GRM7: variants seen among roughly 807,000 people sequenced by gnomAD.
GRM7 encodes glutamate metabotropic receptor 7.
GRM7 carries 35 observed loss-of-function variants against 84.5 expected under a neutral mutation model. The ratio of observed to expected loss-of-function variants is 0.41; its 90% CI spans 0.32 to 0.55. GRM7 has a LOEUF of 0.55. Ranked by LOEUF, GRM7 falls within the 20% of genes least tolerant of loss-of-function variation. The pLI is 0.19. For missense variants in GRM7, 1,003 were observed against 1,194.6 expected (o/e 0.84, Z 2.36); for synonymous variants, 487 against 455.1 (o/e 1.07, Z -0.89).
At chr3:7,023,865 G>A (rs1695872775) in intron 1 of GRM7, among the ~76,000 whole-genome samples, 1 of 152,206 alleles carries the variant, frequency 6.6e-6, no homozygotes, top group Non-Finnish European at 1.5e-5. Flanking sequence ...GTTTACATAA[G>A]TTCATCAGGA....
chr3:7,487,898 C>G (rs1336384301), intron 7 of GRM7, among the ~76,000 whole-genome samples: 18 of 152,254 alleles, frequency 1.2e-4, no homozygotes, highest in Admixed American at 1.2e-3. Context: ...ACCACAGGCT[C>G]TAGTGTACAA....
rs555324540 is a variant in GRM7 at position 7,163,690 on chromosome 3, A to T, written c.736+17022A>T. ...GAGGAGGGGATATTTAAATAAAGAG[A>T]TGAATTAAATGAGGAACTGAACTAT... On this transcript the variant is annotated intron_variant, in intron 2 of 9. Coordinates refer to ENST00000357716, the MANE Select transcript of GRM7 (RefSeq NM_000844.4). Among the ~76,000 whole-genome samples the T allele has an allele frequency of 7.2e-5, 11 of 152,322 alleles. No homozygotes were observed. In the South Asian group the frequency reaches 2.1e-3, roughly 29 times the overall value.
At chr3:7,171,885 T>C (rs1005827024) in intron 2 of GRM7, among the ~76,000 whole-genome samples, 2 of 152,166 alleles carry the variant, frequency 1.3e-5, no homozygotes, top group Non-Finnish European at 2.9e-5. Context: ...TTTAAAGCAT[T>C]CTCTCTACAG....
chr3:7,641,070 A>G (rs1698346408), intron 8 of GRM7, among the ~76,000 whole-genome samples: 1 of 152,218 alleles, frequency 6.6e-6, no homozygotes. Context: ...ATCTAAACTG[A>G]ATAAATTAAT....
intron 1 of GRM7, among the ~76,000 whole-genome samples, chr3:6,890,686 T>G (rs1033455962): frequency 6.6e-6 from 1 of 152,126 alleles, no homozygotes; most frequent in African/African-American, 2.4e-5. Context: ...TGTGGTGTGG[T>G]GCTGAAAAAA....
chr3:7,300,408 T>C (rs1699957400), intron 3 of GRM7, among the ~76,000 whole-genome samples: 1 of 152,190 alleles, frequency 6.6e-6, no homozygotes, highest in Non-Finnish European at 1.5e-5. Flanking sequence ...TTTGAATTTT[T>C]AAATGAGGAT....
chr3:7,302,887 A>G (rs1347568093), intron 3 of GRM7, among the ~76,000 whole-genome samples: 1 of 151,334 alleles, frequency 6.6e-6, no homozygotes, highest in Admixed American at 6.6e-5. Flanking sequence ...ATACATTATC[A>G]AAGTGGTATC....
chr3:7,653,784 T>C lies in GRM7; in HGVS notation c.2452-26265T>C, dbSNP rs79778086. The stretch of plus-strand genomic sequence containing the variant: ...ATAAAACCTGCCTGAGAGCAGGGCT[T>C]TCACAAATACTGACTCCTTTGAGCG... On this transcript the variant is annotated intron_variant, in intron 8 of 9. Transcript: ENST00000357716. 5.2e-3 allele frequency among the ~76,000 whole-genome samples: 797 copies of C among 152,328 alleles called. 7 individuals are homozygous for C. The highest frequency in any genetic ancestry group is 0.018 in the African/African-American group (767 of 41,564).
intron 1 of GRM7, among the ~76,000 whole-genome samples, chr3:6,899,095 C>T (rs565052278): frequency 2.6e-4 from 39 of 152,094 alleles, no homozygotes; most frequent in Admixed American, 9.8e-4. Flanking sequence ...GAGTTGAGTC[C>T]AGTAATGAAG....
At chr3:7,358,634 A>G (rs1693515685) in intron 4 of GRM7, among the ~76,000 whole-genome samples, 1 of 148,496 alleles carries the variant, frequency 6.7e-6, no homozygotes, top group Non-Finnish European at 1.5e-5. Context: ...TCCAAACTTT[A>G]TGTTACTGGG....
At chr3:7,291,718 G>A (rs1699634978) in intron 2 of GRM7, among the ~76,000 whole-genome samples, 1 of 152,152 alleles carries the variant, frequency 6.6e-6, no homozygotes, top group Non-Finnish European at 1.5e-5. Context: ...TCAGTGGTGA[G>A]TGGTTGTATG....
At chr3:7,253,548 C>G (rs543694647) in intron 2 of GRM7, among the ~76,000 whole-genome samples, 1 of 147,052 alleles carries the variant, frequency 6.8e-6, no homozygotes, top group East Asian at 2.0e-4. Flanking sequence ...ACCCAGGAGG[C>G]AGAGGTTGTA....
At chr3:7,136,279 G>A (rs1693768409) in intron 1 of GRM7, among the ~76,000 whole-genome samples, 1 of 151,734 alleles carries the variant, frequency 6.6e-6, no homozygotes, top group Non-Finnish European at 1.5e-5. Flanking sequence ...ATGTGGGCCT[G>A]GCAGCCTGGT....
intron 7 of GRM7, among the ~76,000 whole-genome samples, chr3:7,517,708 A>G (rs760928004): frequency 1.3e-5 from 2 of 151,984 alleles, no homozygotes; most frequent in Non-Finnish European, 2.9e-5. Context: ...TTATTTTTTG[A>G]TACTAGCTGC....
intron 1 of GRM7, among the ~76,000 whole-genome samples, chr3:6,922,092 G>T (rs1053330146): frequency 1.3e-5 from 2 of 152,204 alleles, no homozygotes; most frequent in Non-Finnish European, 2.9e-5. Flanking sequence ...TTCCGAGCAC[G>T]CCTCTTTCTG....
At chr3:6,998,384 C>G (rs904577427) in intron 1 of GRM7, among the ~76,000 whole-genome samples, 6 of 152,122 alleles carry the variant, frequency 3.9e-5, no homozygotes, top group African/African-American at 1.4e-4. Context: ...GGTACAGTCC[C>G]CCCCAAAGTT....
At chr3:7,055,445 T>G (rs1384434636) in intron 1 of GRM7, among the ~76,000 whole-genome samples, 1 of 151,184 alleles carries the variant, frequency 6.6e-6, no homozygotes, top group Non-Finnish European at 1.5e-5. Flanking sequence ...AATCAAGAAT[T>G]TAAACATTTT....
chr3:7,301,602 A>G (rs1349486484), intron 3 of GRM7, among the ~76,000 whole-genome samples: 1 of 152,134 alleles, frequency 6.6e-6, no homozygotes, highest in East Asian at 1.9e-4. Context: ...TGAGTTTTTC[A>G]TATTTGGATG....
intron 5 of GRM7, among the ~76,000 whole-genome samples, chr3:7,423,180 T>C (rs909679536): frequency 6.6e-6 from 1 of 152,180 alleles, no homozygotes; most frequent in Non-Finnish European, 1.5e-5. Flanking sequence ...TACAGCACTT[T>C]AAGTCACCCA....
Sources: gnomAD v4.1 joint callset for allele counts (sites outside exome capture counted in the v4.1 genomes callset) on GRCh38, gnomAD v4.1.1 for gene constraint, MANE v1.5 for transcripts, NCBI Gene and HGNC (gene_info 2026-07-23, HGNC 2026-07-21) for gene names.